The following GRIK3 variants were observed in gnomAD, a reference collection of about 807,000 sequenced individuals.
The protein encoded by GRIK3 is glutamate receptor ionotropic, kainate 3.
In GRIK3, 29 loss-of-function variants were observed where a neutral mutation model predicts 102.5. That is an observed-to-expected ratio of 0.28 (90% CI 0.21 to 0.39). GRIK3 has a LOEUF of 0.39. Ranked by LOEUF, GRIK3 falls within the 10% of genes least tolerant of loss-of-function variation. The pLI is 1.00. For missense variants in GRIK3, 908 were observed against 1,252.4 expected (o/e 0.73, Z 4.15); for synonymous variants, 511 against 504.9 (o/e 1.01, Z -0.16).
chr1:36,918,816 C>T (rs1280257420), intron 1 of GRIK3, among the ~76,000 whole-genome samples: 3 of 152,228 alleles, frequency 2.0e-5, no homozygotes, highest in Admixed American at 6.5e-5. Flanking sequence ...ATAAACCCCA[C>T]ATTCTTGGCC....
At chr1:37,027,341 G>T (rs1642774685) in intron 1 of GRIK3, among the ~76,000 whole-genome samples, 1 of 151,766 alleles carries the variant, frequency 6.6e-6, no homozygotes, top group East Asian at 1.9e-4. Context: ...CCTCAATTTG[G>T]TCTGATCTCT....
At chr1:36,853,346 G>T (rs997267087) in intron 8 of GRIK3, among the ~76,000 whole-genome samples, 2 of 152,162 alleles carry the variant, frequency 1.3e-5, no homozygotes, top group Non-Finnish European at 2.9e-5. Flanking sequence ...CCGAGGTTAG[G>T]CATCCCCAAT....
At chr1:36,930,047 T>C (rs1641570765) in intron 1 of GRIK3, among the ~76,000 whole-genome samples, 1 of 152,192 alleles carries the variant, frequency 6.6e-6, no homozygotes, top group Non-Finnish European at 1.5e-5. Flanking sequence ...GAATGAGTGA[T>C]CTAGGAGAGC....
chr1:36,872,953 C>G lies in GRIK3; in HGVS notation c.551-584G>C, dbSNP rs773403988. ...GGGTAAGGCCAGGAGGTATTTGTGT[C>G]TCCGCCCTCGTCCTCACTAAGGGCA... is the stretch of plus-strand genomic sequence containing the variant. On this transcript the variant is annotated intron_variant, in intron 3 of 15. Transcript: ENST00000373091. The surrounding 1 kb of genome is among the most constrained non-coding windows in gnomAD (Gnocchi z 5.9). Among the ~76,000 whole-genome samples the G allele has an allele frequency of 6.6e-6, 1 of 152,260 alleles. No individual in the cohort carries two copies. Among genetic ancestry groups the G allele is most frequent in the African/African-American group, 2.4e-5 (1 of 41,474 alleles).
intron 5 of GRIK3, among the ~76,000 whole-genome samples, chr1:36,869,217 G>A (rs768809232): frequency 2.0e-5 from 3 of 152,190 alleles, no homozygotes; most frequent in Non-Finnish European, 4.4e-5. Context: ...CCTGTAGGTG[G>A]GCTGGGCTAG....
intron 1 of GRIK3, among the ~76,000 whole-genome samples, chr1:36,917,116 A>C (rs1002094382): frequency 6.6e-6 from 1 of 152,192 alleles, no homozygotes; most frequent in Non-Finnish European, 1.5e-5. Flanking sequence ...ATGGAGTCAA[A>C]GGAGATCATT....
chr1:36,803,619 C>T (rs571854834), intron 15 of GRIK3, among the ~76,000 whole-genome samples: 51 of 152,030 alleles, frequency 3.4e-4, no homozygotes, highest in African/African-American at 1.2e-3. Flanking sequence ...TTAGTAGAGA[C>T]GGGGTTTTAC....
intron 1 of GRIK3, among the ~76,000 whole-genome samples, chr1:36,914,439 C>G (rs1248351664): frequency 6.6e-6 from 1 of 152,200 alleles, no homozygotes; most frequent in Non-Finnish European, 1.5e-5. Context: ...CATGCAGAGC[C>G]TCTGAGAGGT....
rs1351531614 is a variant in GRIK3 at position 36,797,088 on chromosome 1, G to A, written c.*4763C>T. The A allele has an allele frequency of 2.0e-5, 3 of 151,664 alleles. No homozygotes were observed. Among genetic ancestry groups the A allele is most frequent in the Non-Finnish European group, 2.9e-5 (2 of 67,996 alleles). The allele number at this position is 151,664 out of a possible 1,614,324, so 9.4% of individuals were successfully genotyped here. Reference sequence around the variant, plus strand: ...CATGTAGCTCTGCCCTCTTCTTCAGGGTCTGGAGCTCTGATGTGTGGAGGG... The same window carrying A: ...CATGTAGCTCTGCCCTCTTCTTCAGAGTCTGGAGCTCTGATGTGTGGAGGG... On this transcript the variant is annotated 3_prime_UTR_variant, in exon 16 of 16. Coordinates refer to ENST00000373091, the MANE Select transcript of GRIK3 (RefSeq NM_000831.4).
chr1:36,834,385 C>T (rs930380863), intron 10 of GRIK3, among the ~76,000 whole-genome samples: 6 of 152,178 alleles, frequency 3.9e-5, no homozygotes, highest in African/African-American at 1.4e-4. Flanking sequence ...GATGACCTGC[C>T]AGCTAGCTGT....
chr1:36,807,936 A>G lies in GRIK3; in HGVS notation c.2092-1610T>C, dbSNP rs151197785. On this transcript the variant is annotated intron_variant, in intron 13 of 15. Coordinates refer to ENST00000373091, the MANE Select transcript of GRIK3 (RefSeq NM_000831.4). ...TCACTGGCCTCTCCCAGCCCCTCCTAGTCCTCAGCCTGCCCTTCTTTCAGC... is the reference window on the plus strand; with the variant it reads ...TCACTGGCCTCTCCCAGCCCCTCCTGGTCCTCAGCCTGCCCTTCTTTCAGC... 5.4e-3 allele frequency among the ~76,000 whole-genome samples: 817 copies of G among 152,204 alleles called. 8 individuals are homozygous for G. The highest frequency in any genetic ancestry group is 0.017 in the African/African-American group (713 of 41,534).
intron 1 of GRIK3, among the ~76,000 whole-genome samples, chr1:36,967,365 C>T (rs1642091764): frequency 6.6e-6 from 1 of 152,242 alleles, no homozygotes; most frequent in African/African-American, 2.4e-5. Flanking sequence ...TGGATTTCTG[C>T]TCCAACCTCC....
chr1:36,883,794 A>G (rs1641009472), intron 2 of GRIK3, among the ~76,000 whole-genome samples: 1 of 152,236 alleles, frequency 6.6e-6, no homozygotes, highest in African/African-American at 2.4e-5. Context: ...AGATTGATCC[A>G]GAGGTACAGG....
Position 36,880,585 on chromosome 1 carries a change from C to T in GRIK3, c.550+49G>A, listed in dbSNP as rs1380045681. The T allele has an allele frequency of 6.3e-7, 1 of 1,581,688 alleles. No homozygotes were observed. Among genetic ancestry groups the T allele is most frequent in the South Asian group, 1.1e-5 (1 of 89,026 alleles). On this transcript the variant is annotated intron_variant, in intron 3 of 15. Coordinates refer to ENST00000373091, the MANE Select transcript of GRIK3 (RefSeq NM_000831.4). This position sits in a 1 kb window ranked among gnomAD's most constrained non-coding sequence, Gnocchi z 5.4. The stretch of plus-strand genomic sequence containing the variant: ...CAGACAAGAGCTTGATCCTGGGCCT[C>T]TGCCCCCCTCAACCGTTGCCCCCAG...
At chr1:37,033,581 G>A (rs1301689001) in intron 1 of GRIK3, among the ~76,000 whole-genome samples, 1 of 152,252 alleles carries the variant, frequency 6.6e-6, no homozygotes, top group Non-Finnish European at 1.5e-5. Flanking sequence ...GGCCCGCGGG[G>A]AGTGAGGTGG....
At chr1:37,010,835 G>A (rs535736732) in intron 1 of GRIK3, among the ~76,000 whole-genome samples, 70 of 149,260 alleles carry the variant, frequency 4.7e-4, no homozygotes, top group African/African-American at 1.3e-3. Context: ...TCCGCTTCCC[G>A]GGTTCACGCC....
At chr1:36,970,681 G>A (rs1049688518) in intron 1 of GRIK3, among the ~76,000 whole-genome samples, 1 of 152,060 alleles carries the variant, frequency 6.6e-6, no homozygotes, top group East Asian at 1.9e-4. Context: ...CTTCTCTAGG[G>A]TTCCTCTTCC....
intron 13 of GRIK3, among the ~76,000 whole-genome samples, chr1:36,810,040 C>A (rs1228346335): frequency 6.6e-6 from 1 of 152,172 alleles, no homozygotes. Flanking sequence ...CCTTCTCAAC[C>A]CCATCTCCTC....
intron 2 of GRIK3, among the ~76,000 whole-genome samples, chr1:36,883,660 G>A (rs890585769): frequency 1.3e-5 from 2 of 152,174 alleles, no homozygotes; most frequent in Non-Finnish European, 2.9e-5. Context: ...ATGTCCCCTG[G>A]TCCCACTGAC....
Sources: gnomAD v4.1 joint callset for allele counts (sites outside exome capture counted in the v4.1 genomes callset) on GRCh38, gnomAD v4.1.1 for gene constraint, Gnocchi (gnomAD v3.1) non-coding constraint, MANE v1.5 for transcripts, NCBI Gene and HGNC (gene_info 2026-07-23, HGNC 2026-07-21) for gene names.